The following ARHGAP29 variants were observed in gnomAD, a reference collection of about 807,000 sequenced individuals.
ARHGAP29 encodes rho GTPase-activating protein 29.
ARHGAP29 carries 43 observed loss-of-function variants against 122.6 expected under a neutral mutation model. The observed-to-expected ratio is 0.35, with a 90% CI of 0.27 to 0.45. The LOEUF is 0.45. Among genes scored for constraint, ARHGAP29 ranks in the 20% least tolerant of loss-of-function variants. The probability of loss-of-function intolerance (pLI) is 1.00; values close to 1 mark genes in which losing one functional copy is unlikely to be tolerated. For missense variants in ARHGAP29, 1,303 were observed against 1,477.2 expected (o/e 0.88, Z 1.93); for synonymous variants, 506 against 497.1 (o/e 1.02, Z -0.24).
chr1:94,246,101 C>A (rs1000591759), intron 1 of ARHGAP29, among the ~76,000 whole-genome samples: 4 of 152,198 alleles, frequency 2.6e-5, no homozygotes, highest in Non-Finnish European at 4.4e-5. Context: ...CAGGTCTATT[C>A]TATTTTCTTC....
chr1:94,174,284 G>C lies in ARHGAP29; in HGVS notation c.3371C>G (p.Pro1124Arg), dbSNP rs1570475544. The C allele has an allele frequency of 6.2e-7, 1 of 1,614,144 alleles. No homozygotes were observed. Among genetic ancestry groups the C allele is most frequent in the Admixed American group, 1.7e-5 (1 of 60,018 alleles). ...SGDHSINATQ[P>R]SKPYAEPVRS... ...GACTGGCTCTGCATATGGCTTACTG[G>C]GTTGAGTGGCATTGATAGAATGGTC... The change falls in exon 23 of 23, where the codon CCC becomes CGC. Residue 1124 changes from proline (P) to arginine (R), a missense_variant. Coordinates refer to ENST00000260526, the MANE Select transcript of ARHGAP29 (RefSeq NM_004815.4).
chr1:94,232,110 T>C (rs1652953555), intron 1 of ARHGAP29, among the ~76,000 whole-genome samples: 1 of 152,144 alleles, frequency 6.6e-6, no homozygotes, highest in South Asian at 2.1e-4. Context: ...TGACATCACC[T>C]TCAAAAATAA....
the ARHGAP29 span, among the ~76,000 whole-genome samples, chr1:94,303,270 T>G: frequency 6.6e-6 from 1 of 152,184 alleles, no homozygotes; most frequent in Non-Finnish European, 1.5e-5. Flanking sequence ...ATAACATGGA[T>G]GAGCCTTGAG....
At chr1:94,266,313 A>G (rs1654769335) in intron 1 of ARHGAP29, among the ~76,000 whole-genome samples, 1 of 152,154 alleles carries the variant, frequency 6.6e-6, no homozygotes, top group South Asian at 2.1e-4. Context: ...TTTCCTCCTG[A>G]TTACAAAAAG....
At position 94,169,794 on chromosome 1, in the gene ARHGAP29, T is replaced by TA. The variant is rs996763954; in HGVS notation, c.*4074dup. 4.6e-5 allele frequency among the ~76,000 whole-genome samples: 7 copies of TA among 151,492 alleles called. No homozygotes were observed. The highest frequency in any genetic ancestry group is 1.5e-4 in the African/African-American group (6 of 41,236). On this transcript the variant is annotated 3_prime_UTR_variant, in exon 23 of 23. Transcript: ENST00000260526. ...TAGGAAAAAGTGTAAGATGAGCTCGTAAAAAAAATAAGAGGGGAAAAAGCA... is the reference window on the plus strand; with the variant it reads ...TAGGAAAAAGTGTAAGATGAGCTCGTAAAAAAAAATAAGAGGGGAAAAAGCA...
intron 1 of ARHGAP29, among the ~76,000 whole-genome samples, chr1:94,259,016 C>G (rs974736499): frequency 6.6e-6 from 1 of 152,136 alleles, no homozygotes; most frequent in Admixed American, 6.5e-5. Flanking sequence ...ATCATAAAGT[C>G]TTGACTCTGA....
rs201436437 is a variant in ARHGAP29 at position 94,220,280 on chromosome 1, T to G, written c.318A>C (p.Glu106Asp). 3.1e-6 allele frequency: 5 copies of G among 1,613,450 alleles called. No individual in the cohort carries two copies. Among genetic ancestry groups the G allele is most frequent in the East Asian group, 4.5e-5 (2 of 44,800 alleles). ...TACCTTTCACTTTTGCAGTGAGCAT[T>G]TCTGCAGCATTTTGAAGATCAACAG... ...LNSVDLQNAA[E>D]MLTAKVKAVN... The change falls in exon 3 of 23, where the codon GAA becomes GAC. Residue 106 changes from glutamate to aspartate, a missense_variant. Glu to Asp is a conservative substitution (Grantham distance 45). This residue lies in a region of ARHGAP29 where 592 missense variants were observed against 648.2 expected (regional missense o/e 0.91). Transcript: ENST00000260526.
intron 1 of ARHGAP29, among the ~76,000 whole-genome samples, chr1:94,255,416 T>C (rs1196206823): frequency 6.6e-6 from 1 of 152,160 alleles, no homozygotes; most frequent in African/African-American, 2.4e-5. Context: ...TACTGTGTTA[T>C]GGCAGTCCTA....
chr1:94,234,903 C>T (rs1653156845), intron 1 of ARHGAP29, among the ~76,000 whole-genome samples: 1 of 152,102 alleles, frequency 6.6e-6, no homozygotes, highest in African/African-American at 2.4e-5. Context: ...AAATTAAAGA[C>T]ATTAAAACAA....
chr1:94,314,200 A>C, the ARHGAP29 span, among the ~76,000 whole-genome samples: 1 of 152,218 alleles, frequency 6.6e-6, no homozygotes, highest in African/African-American at 2.4e-5. Context: ...TACTACTCTG[A>C]TCCCTAACAC....
intron 1 of ARHGAP29, among the ~76,000 whole-genome samples, chr1:94,251,419 G>A (rs191689316): frequency 1.3e-5 from 2 of 152,144 alleles, no homozygotes; most frequent in Admixed American, 6.5e-5. Context: ...GATTACAGGC[G>A]TGAGCCACCG....
rs768564447 is a variant in ARHGAP29, at chr1:94,178,097, T to C, written c.2551A>G (p.Ile851Val). ...GGAGCAGTTGTGGGCCTTGGCCTAA[T>C]GAGACTTGGTCCAAATATCACCCCC... ...NLGVIFGPSL[I>V]RPRPTTAPIT... The change falls in exon 21 of 23, where the codon ATT becomes GTT. Residue 851 changes from isoleucine (I) to valine (V), a missense_variant. This residue lies in a region of ARHGAP29 where 620 missense variants were observed against 651.2 expected (regional missense o/e 0.95). Coordinates refer to ENST00000260526, the MANE Select transcript of ARHGAP29 (RefSeq NM_004815.4). 1.9e-6 allele frequency: 3 copies of C among 1,614,098 alleles called. No homozygotes were observed. The highest frequency in any genetic ancestry group is 1.6e-4 in the Middle Eastern group (1 of 6,062).
chr1:94,228,719 T>C (rs370984831), intron 2 of ARHGAP29, among the ~76,000 whole-genome samples: 6 of 151,792 alleles, frequency 4.0e-5, no homozygotes, highest in African/African-American at 1.4e-4. Flanking sequence ...CCATATACAA[T>C]TATACATCAT....
the ARHGAP29 span, among the ~76,000 whole-genome samples, chr1:94,295,716 C>CCACACAATGTGGAATCTTCTAAT: frequency 3.4e-5 from 3 of 88,006 alleles, no homozygotes; most frequent in African/African-American, 9.2e-5. Flanking sequence ...GGAATTCTAA[C>CCACACAATGTGGAATCTTCTAAT]TCCACACAAT....
chr1:94,246,891 G>A (rs1424092123), intron 1 of ARHGAP29, among the ~76,000 whole-genome samples: 1 of 152,034 alleles, frequency 6.6e-6, no homozygotes, highest in Non-Finnish European at 1.5e-5. Flanking sequence ...GTGGAAGGGC[G>A]AGACCAGGCA....
At chr1:94,282,591 A>G in the ARHGAP29 span, among the ~76,000 whole-genome samples, 1 of 152,112 alleles carries the variant, frequency 6.6e-6, no homozygotes. Flanking sequence ...CACGTGGTCA[A>G]AGTGTATTTT....
Position 94,178,074 on chromosome 1 carries a change from A to G in ARHGAP29, c.2574T>C (p.Ala858=). The stretch of plus-strand genomic sequence containing the variant: ...CTGCAAGGGAGGAGATGGTGATAGG[A>G]GCAGTTGTGGGCCTTGGCCTAATGA... The part of the protein sequence containing the change: ...PSLIRPRPTT[A]PITISSLAEY... The change falls in exon 21 of 23, where the codon GCT becomes GCC. Residue 858 remains alanine (A), a synonymous_variant. Transcript: ENST00000260526. 6.2e-7 allele frequency: 1 copy of G among 1,614,198 alleles called. No homozygotes were observed. The highest frequency in any genetic ancestry group is 8.5e-7 in the Non-Finnish European group (1 of 1,180,032).
intron 1 of ARHGAP29, among the ~76,000 whole-genome samples, chr1:94,234,230 A>G (rs1455842959): frequency 6.6e-6 from 1 of 152,226 alleles, no homozygotes; most frequent in African/African-American, 2.4e-5. Context: ...GTGTTCTCTG[A>G]TCATAGCACA....
chr1:94,248,554 T>G (rs1653929935), intron 1 of ARHGAP29, among the ~76,000 whole-genome samples: 1 of 152,180 alleles, frequency 6.6e-6, no homozygotes, highest in South Asian at 2.1e-4. Context: ...ATGGGTAAAA[T>G]TATGGAAAGG....
Sources: allele counts gnomAD v4.1 joint callset (sites outside exome capture counted in the v4.1 genomes callset), GRCh38; gene constraint gnomAD v4.1.1; regional missense constraint gnomAD v4.1.1; transcripts MANE v1.5; gene names NCBI Gene and HGNC (gene_info 2026-07-23, HGNC 2026-07-21).